YIPF4: variants seen among roughly 807,000 people sequenced by gnomAD.
YIPF4 encodes protein YIPF4.
Under a neutral mutation model 29.4 loss-of-function variants are expected in YIPF4, and 18 were observed. The ratio of observed to expected loss-of-function variants is 0.61; its 90% CI spans 0.42 to 0.91. The LOEUF (loss-of-function observed/expected upper bound fraction) is 0.91, where lower values mean the gene tolerates loss of function less well. Among genes scored for constraint, YIPF4 ranks in the 40% least tolerant of loss-of-function variants. YIPF4 has a pLI of 0.00. For missense variants in YIPF4, 279 were observed against 282.7 expected (o/e 0.99, Z 0.09); for synonymous variants, 115 against 104.7 (o/e 1.10, Z -0.60).
intron 1 of YIPF4, among the ~76,000 whole-genome samples, chr2:32,280,504 G>T (rs575779324): frequency 6.6e-6 from 1 of 150,436 alleles, no homozygotes; most frequent in Non-Finnish European, 1.5e-5. Flanking sequence ...TCAGCCTCCC[G>T]AGTAGCTAGG....
chr2:32,297,321 A>G (rs1002690450), intron 3 of YIPF4, among the ~76,000 whole-genome samples: 22 of 151,892 alleles, frequency 1.4e-4, no homozygotes, highest in Non-Finnish European at 1.9e-4. Context: ...GGGTTTCTCC[A>G]TGTTGGTCAG....
intron 5 of YIPF4, among the ~76,000 whole-genome samples, chr2:32,302,706 A>T (rs1398871581): frequency 6.6e-6 from 1 of 152,238 alleles, no homozygotes; most frequent in African/African-American, 2.4e-5. Flanking sequence ...TACACAGTGA[A>T]TATAAGTTTG....
intron 2 of YIPF4, 131 bp downstream of exon 2, chr2:32,290,767 T>C (rs921638573): frequency 2.4e-4 from 123 of 514,470 alleles, no homozygotes; most frequent in Non-Finnish European, 3.4e-4. Flanking sequence ...TCAATTTTAC[T>C]AGTAATTTAA....
rs2031607288 is a variant in YIPF4, at chr2:32,307,209, A to G, written c.*1583A>G. The G allele has an allele frequency of 8.8e-7, 1 of 1,138,444 alleles. No individual in the cohort carries two copies. The highest frequency in any genetic ancestry group is 1.2e-6 in the Non-Finnish European group (1 of 864,320). 70.5% of individuals were successfully genotyped at this position (1,138,444 alleles called of 1,614,324 possible). On this transcript the variant is annotated 3_prime_UTR_variant, in exon 6 of 6. Transcript: ENST00000238831. ...AGCAACCGTAAGATAAACATTTGTT[A>G]CACTTAAGAAATTGCTGAGGTTAAT...
Position 32,305,796 on chromosome 2 carries a change from A to T in YIPF4, c.*170A>T, listed in dbSNP as rs957095039. Reference sequence around the variant, plus strand: ...ATTTTTTTTTGTATTTAATTAAGCAATTGCAGTTATCTGGGATTTTTGGGT... The same window carrying T: ...ATTTTTTTTTGTATTTAATTAAGCATTTGCAGTTATCTGGGATTTTTGGGT... On this transcript the variant is annotated 3_prime_UTR_variant, in exon 6 of 6. Coordinates refer to ENST00000238831, the MANE Select transcript of YIPF4 (RefSeq NM_032312.4). 7.3e-6 allele frequency: 9 copies of T among 1,233,376 alleles called. No individual in the cohort carries two copies. The highest frequency in any genetic ancestry group is 1.6e-5 in the African/African-American group (1 of 64,306). 76.4% of individuals were successfully genotyped at this position (1,233,376 alleles called of 1,614,324 possible).
At chr2:32,294,622 A>T (rs1038165305) in intron 3 of YIPF4, among the ~76,000 whole-genome samples, 21 of 141,298 alleles carry the variant, frequency 1.5e-4, no homozygotes, top group Middle Eastern at 4.3e-3. Flanking sequence ...ATCCCAGACG[A>T]TGGGCGGCCA....
intron 5 of YIPF4, among the ~76,000 whole-genome samples, chr2:32,304,685 G>A (rs2031517781): frequency 6.6e-6 from 1 of 152,078 alleles, no homozygotes; most frequent in Admixed American, 6.6e-5. Flanking sequence ...AGCCTAAAAC[G>A]TCAATATTGC....
rs1451206937 is a variant in YIPF4, at chr2:32,313,595, A to G, written c.*7969A>G. 1.3e-5 allele frequency: 2 copies of G among 151,908 alleles called. No homozygotes were observed. Among genetic ancestry groups the G allele is most frequent in the Admixed American group, 6.6e-5 (1 of 15,194 alleles). 9.4% of individuals were successfully genotyped at this position (151,908 alleles called of 1,614,324 possible). ...AGGCCAAGCGGGTCTTGAACTCCCA[A>G]CCTCCGGTGATCTGCCCACCTCAAC... On this transcript the variant is annotated 3_prime_UTR_variant, in exon 6 of 6. Transcript: ENST00000238831.
intron 5 of YIPF4, among the ~76,000 whole-genome samples, chr2:32,304,262 TTTTA>T (rs1215924731): frequency 1.3e-5 from 2 of 152,312 alleles, no homozygotes; most frequent in African/African-American, 4.8e-5. Context: ...AGTGCAGTGA[TTTTA>T]TTTAACATTA....
rs1317640732 is a variant in YIPF4 at position 32,307,946 on chromosome 2, A to AC, written c.*2320_*2321insC. 8 of 151,540 alleles carry AC rather than the reference A, an allele frequency of 5.3e-5. No homozygotes were observed. Among genetic ancestry groups the AC allele is most frequent in the African/African-American group, 1.9e-4 (8 of 41,256 alleles). 9.4% of individuals were successfully genotyped at this position (151,540 alleles called of 1,614,324 possible). On this transcript the variant is annotated 3_prime_UTR_variant, in exon 6 of 6. Coordinates refer to ENST00000238831, the MANE Select transcript of YIPF4 (RefSeq NM_032312.4). Reference sequence around the variant, plus strand: ...ACTCTCTCAAAAAAAAAAAAAAAAAAAAAAAAAACCATGATTTGTAGATGT... The same window carrying AC: ...ACTCTCTCAAAAAAAAAAAAAAAAAACAAAAAAAACCATGATTTGTAGATGT...
At chr2:32,294,876 C>A (rs887029100) in intron 3 of YIPF4, among the ~76,000 whole-genome samples, 1 of 152,238 alleles carries the variant, frequency 6.6e-6, no homozygotes, top group Non-Finnish European at 1.5e-5. Flanking sequence ...ACCAGCCCGG[C>A]CAACACAGCG....
intron 3 of YIPF4, among the ~76,000 whole-genome samples, chr2:32,296,891 A>AT (rs1341470979): frequency 6.6e-6 from 1 of 152,100 alleles, no homozygotes; most frequent in African/African-American, 2.4e-5. Context: ...CAGAATGATG[A>AT]TTTTTCTGTT....
chr2:32,290,405 G>A (rs1232305672), intron 1 of YIPF4, 78 bp from the exon 2 acceptor site: 1 of 1,099,956 alleles, frequency 9.1e-7, no homozygotes, highest in African/African-American at 1.6e-5. Flanking sequence ...AATTATTTTA[G>A]TTGAATATCT....
chr2:32,313,134 A>G lies in YIPF4; in HGVS notation c.*7508A>G, dbSNP rs1019244036. The G allele has an allele frequency of 2.1e-4, 32 of 152,210 alleles. No homozygotes were observed. Among genetic ancestry groups the G allele is most frequent in the African/African-American group, 7.7e-4 (32 of 41,456 alleles). The allele number at this position is 152,210 out of a possible 1,614,324, so 9.4% of individuals were successfully genotyped here. A position where few individuals can be genotyped will look rare whatever the true frequency, so the allele number is the denominator to read the frequency against. The stretch of plus-strand genomic sequence containing the variant: ...GAGGCCTGTGGTGGTAAGCAAGTAT[A>G]TAAAAGAAGCCTTCCTTGAAGCAAC... On this transcript the variant is annotated 3_prime_UTR_variant, in exon 6 of 6. Coordinates refer to ENST00000238831, the MANE Select transcript of YIPF4 (RefSeq NM_032312.4).
intron 2 of YIPF4, among the ~76,000 whole-genome samples, chr2:32,291,157 A>G (rs1252324621): frequency 2.0e-5 from 3 of 152,236 alleles, no homozygotes; most frequent in Non-Finnish European, 2.9e-5. Context: ...ATAGCTTTGT[A>G]AAATTGAGGC....
rs1020946151 is a variant in YIPF4, at chr2:32,311,529, A to G, written c.*5903A>G. ...TTTTTACTTTGAAGATGTTTGGTTT[A>G]TAGTAGTCCATGCTATACTAATGCT... is the stretch of plus-strand genomic sequence containing the variant. On this transcript the variant is annotated 3_prime_UTR_variant, in exon 6 of 6. Coordinates refer to ENST00000238831, the MANE Select transcript of YIPF4 (RefSeq NM_032312.4). 1.3e-5 allele frequency: 2 copies of G among 152,332 alleles called. No homozygotes were observed. Among genetic ancestry groups the G allele is most frequent in the Non-Finnish European group, 2.9e-5 (2 of 68,020 alleles). The allele number at this position is 152,332 out of a possible 1,614,324, so 9.4% of individuals were successfully genotyped here.
At position 32,314,447 on chromosome 2, in the gene YIPF4, G is replaced by GCAGAT. The variant is rs1282512603; in HGVS notation, c.*8824_*8828dup. On this transcript the variant is annotated 3_prime_UTR_variant, in exon 6 of 6. Coordinates refer to ENST00000238831, the MANE Select transcript of YIPF4 (RefSeq NM_032312.4). ...CCAGCTCTTTGGGAGGCAGAGGCTGGCAGATCACCTGAGGTTGGGAGTTTG... is the reference window on the plus strand; with the variant it reads ...CCAGCTCTTTGGGAGGCAGAGGCTGGCAGATCAGATCACCTGAGGTTGGGAGTTTG... The GCAGAT allele has an allele frequency of 6.6e-6, 1 of 152,226 alleles. No individual in the cohort carries two copies. Among genetic ancestry groups the GCAGAT allele is most frequent in the Non-Finnish European group, 1.5e-5 (1 of 68,052 alleles). 9.4% of individuals were successfully genotyped at this position (152,226 alleles called of 1,614,324 possible).
rs2148954944 is a variant in YIPF4 at position 32,277,942 on chromosome 2, T to G, written c.-214T>G. The G allele has an allele frequency of 1.9e-6, 1 of 531,284 alleles. No individual in the cohort carries two copies. Among genetic ancestry groups the G allele is most frequent in the Admixed American group, 3.9e-5 (1 of 25,482 alleles). The allele number at this position is 531,284 out of a possible 1,614,324, so 32.9% of individuals were successfully genotyped here. ...TCCTGTCAGGGTGCCGGCGTCGTGG[T>G]GCTTGGGTGGTCGCCACCAAGAAGA... On this transcript the variant is annotated 5_prime_UTR_variant, in exon 1 of 6. Coordinates refer to ENST00000238831, the MANE Select transcript of YIPF4 (RefSeq NM_032312.4).
intron 1 of YIPF4, among the ~76,000 whole-genome samples, chr2:32,289,297 C>G (rs567773888): frequency 1.3e-5 from 2 of 152,326 alleles, no homozygotes; most frequent in South Asian, 4.1e-4. Context: ...GACTTAGCTT[C>G]AGAATGTAAA....
Sources: gnomAD v4.1 joint callset for allele counts (sites outside exome capture counted in the v4.1 genomes callset) on GRCh38, gnomAD v4.1.1 for gene constraint, MANE v1.5 for transcripts, NCBI Gene and HGNC (gene_info 2026-07-23, HGNC 2026-07-21) for gene names.